Variants in MYO3A observed in about 807,000 individuals in gnomAD.
MYO3A encodes the protein myosin-IIIa.
Under a neutral mutation model 192.7 loss-of-function variants are expected in MYO3A, and 180 were observed. The ratio of observed to expected loss-of-function variants is 0.93; its 90% CI spans 0.83 to 1.06. MYO3A has a LOEUF of 1.06. Ranked by LOEUF, MYO3A falls within the 50% of genes least tolerant of loss-of-function variation. MYO3A has a pLI of 0.00. For synonymous variants in MYO3A, 628 were observed against 645.3 expected (o/e 0.97, Z 0.41); for missense variants, 1,896 against 1,905.0 (o/e 1.00, Z 0.09).
intron 4 of MYO3A, among the ~76,000 whole-genome samples, chr10:25,962,138 T>TCC (rs1837972928): frequency 6.6e-6 from 1 of 152,198 alleles, no homozygotes; most frequent in Admixed American, 6.5e-5. Flanking sequence ...AGAGTTGAAA[T>TCC]CCTAAGAATA....
Position 26,131,447 on chromosome 10 carries a change from C to A in MYO3A, c.2262+2909C>A, listed in dbSNP as rs868705274. ...GAATTGTTTCCACCTGTTTGCATTA[C>A]CTTTGAAACATTTTCCTAAATCCAG... On this transcript the variant is annotated intron_variant, in intron 20 of 34. Transcript: ENST00000642920. Among the ~76,000 whole-genome samples the A allele has an allele frequency of 4.6e-5, 7 of 152,252 alleles. No homozygotes were observed. The South Asian group carries it at 1.0e-3, about 23-fold the overall frequency.
intron 27 of MYO3A, among the ~76,000 whole-genome samples, chr10:26,166,705 A>C (rs1276534090): frequency 2.0e-5 from 3 of 152,260 alleles, no homozygotes; most frequent in Non-Finnish European, 4.4e-5. Flanking sequence ...AAAAAGCTGT[A>C]GAGAATCATA....
At chr10:26,169,528 T>C (rs1336142093) in intron 28 of MYO3A, among the ~76,000 whole-genome samples, 1 of 152,220 alleles carries the variant, frequency 6.6e-6, no homozygotes, top group East Asian at 1.9e-4. Context: ...CTGATCTTTT[T>C]AATTCTAGTC....
intron 14 of MYO3A, among the ~76,000 whole-genome samples, chr10:26,083,879 G>T (rs1189006964): frequency 1.3e-5 from 2 of 152,122 alleles, no homozygotes; most frequent in Admixed American, 6.5e-5. Flanking sequence ...GGTAGCTCCT[G>T]TATTCTTTGG....
chr10:26,177,684 T>C (rs1428581734), intron 31 of MYO3A, among the ~76,000 whole-genome samples: 1 of 152,312 alleles, frequency 6.6e-6, no homozygotes, highest in South Asian at 2.1e-4. Context: ...TGCATTTATT[T>C]TCCCTTGCTT....
rs372097677 is a variant in MYO3A at position 26,128,504 on chromosome 10, A to G, written c.2228A>G (p.Tyr743Cys). 3.7e-5 allele frequency: 60 copies of G among 1,612,442 alleles called. No individual in the cohort carries two copies. The highest frequency in any genetic ancestry group is 4.8e-5 in the Non-Finnish European group (57 of 1,179,086). ...AACATTGCAAATGAACAAATTCAGT[A>G]TTATTATAATCAACATGTGTTTGCA... is the stretch of plus-strand genomic sequence containing the variant. ...CINIANEQIQ[Y>C]YYNQHVFAWE... Residue 743 changes from tyrosine (Y) to cysteine (C), a missense_variant, in exon 20 of 35, where the codon TAT (tyrosine) becomes TGT (cysteine). By Grantham distance (194) the Tyr-to-Cys change is radical (BLOSUM62 -2). Transcript: ENST00000642920.
chr10:25,971,743 A>G (rs1179559911), intron 4 of MYO3A, among the ~76,000 whole-genome samples: 1 of 152,072 alleles, frequency 6.6e-6, no homozygotes, highest in East Asian at 1.9e-4. Context: ...GTGACAATTC[A>G]TTTTTCTTCT....
At chr10:26,194,863 A>G (rs945733627) in intron 32 of MYO3A, among the ~76,000 whole-genome samples, 7 of 152,218 alleles carry the variant, frequency 4.6e-5, no homozygotes, top group African/African-American at 1.7e-4. Flanking sequence ...CATATTCTAC[A>G]TAGATACACA....
chr10:26,195,861 C>T (rs1240692658), intron 32 of MYO3A, among the ~76,000 whole-genome samples: 1 of 152,226 alleles, frequency 6.6e-6, no homozygotes, highest in African/African-American at 2.4e-5. Context: ...GACACTTTAT[C>T]ATGCTAAAGA....
Position 26,068,842 on chromosome 10 carries a change from T to C in MYO3A, c.1128T>C (p.Ile376=). The stretch of plus-strand genomic sequence containing the variant: ...ACGTCTATGTGGGAGACATACTCAT[T>C]GCTCTTAACCCTTTTCAGAGTCTGG... ...QIYVYVGDIL[I]ALNPFQSLGL... Residue 376 remains isoleucine (I), a synonymous_variant, in exon 12 of 35, where the codon ATT becomes ATC. Coordinates refer to ENST00000642920, the MANE Select transcript of MYO3A (RefSeq NM_017433.5). The C allele has an allele frequency of 6.3e-7, 1 of 1,599,996 alleles. No individual in the cohort carries two copies.
In MYO3A at chr10:26,024,089, T is replaced by TG; in HGVS notation, c.797+3dup. On this transcript the variant is annotated splice_region_variant and intron_variant, in intron 9 of 34. Coordinates refer to ENST00000642920, the MANE Select transcript of MYO3A (RefSeq NM_017433.5). ...AGAATTCAATGACTTCATAAGCAAGTGAGTAAAAACAGTCTTTTAAAAAAC... is the reference window on the plus strand; with the variant it reads ...AGAATTCAATGACTTCATAAGCAAGTGGAGTAAAAACAGTCTTTTAAAAAAC... The TG allele has an allele frequency of 6.2e-7, 1 of 1,611,662 alleles. No individual in the cohort carries two copies. The highest frequency in any genetic ancestry group is 1.3e-5 in the African/African-American group (1 of 74,998).
intron 29 of MYO3A, among the ~76,000 whole-genome samples, chr10:26,172,230 C>T (rs1262811755): frequency 6.6e-6 from 1 of 152,254 alleles, no homozygotes; most frequent in African/African-American, 2.4e-5. Flanking sequence ...TTTCCCTCAG[C>T]TACCTGAAGC....
At chr10:25,995,926 T>A (rs1056632490) in intron 4 of MYO3A, among the ~76,000 whole-genome samples, 2 of 152,202 alleles carry the variant, frequency 1.3e-5, no homozygotes. Context: ...GGGGAGTGCC[T>A]CCCAGAAAGG....
At chr10:26,144,664 C>T (rs964524425) in intron 21 of MYO3A, among the ~76,000 whole-genome samples, 1 of 152,046 alleles carries the variant, frequency 6.6e-6, no homozygotes, top group Admixed American at 6.6e-5. Context: ...GCAAAAACGC[C>T]AGATTTTTAG....
In MYO3A at chr10:25,996,500, GA is replaced by G. The variant is rs777580042; in HGVS notation, c.315del (p.Gly106AspfsTer3). The G allele has an allele frequency of 4.3e-5, 70 of 1,613,520 alleles. No individual in the cohort carries two copies. The South Asian group carries it at 7.5e-4, about 17-fold the overall frequency. ...KLWLVLELCS[G>X]GSVTDLVKGF... The stretch of plus-strand genomic sequence containing the variant: ...AATATTCTTGTTTAGCTCTGCAGTG[GA>G]GGATCAGTGACTGACCTTGTGAAAG... On this transcript the variant is annotated frameshift_variant, in exon 5 of 35. Transcript: ENST00000642920. LOFTEE classifies it high-confidence loss of function.
intron 5 of MYO3A, 80 bp from the exon 6 acceptor site, chr10:25,997,078 AT>A (rs1840495147): frequency 9.4e-7 from 1 of 1,065,070 alleles, no homozygotes; most frequent in Non-Finnish European, 1.4e-6. Flanking sequence ...TTTCCTATTG[AT>A]TTTGTACAGG....
chr10:25,939,228 C>T (rs1000010578), intron 2 of MYO3A, among the ~76,000 whole-genome samples: 1 of 151,546 alleles, frequency 6.6e-6, no homozygotes, highest in African/African-American at 2.4e-5. Flanking sequence ...TAATGTTGCA[C>T]ATCTCTACCT....
At chr10:26,112,403 A>G (rs1445108614) in intron 17 of MYO3A, among the ~76,000 whole-genome samples, 3 of 152,158 alleles carry the variant, frequency 2.0e-5, no homozygotes, top group East Asian at 1.9e-4. Context: ...CTTCCTTTTT[A>G]TCCCCAATAT....
At chr10:26,016,762 T>C in intron 6 of MYO3A, 58 bp from the exon 7 acceptor site, 1 of 1,500,528 alleles carries the variant, frequency 6.7e-7, no homozygotes, top group Non-Finnish European at 9.3e-7. Flanking sequence ...TTATAGCAAT[T>C]GAAAGCTCTT....
Sources: gnomAD v4.1 joint callset for allele counts (sites outside exome capture counted in the v4.1 genomes callset) on GRCh38, gnomAD v4.1.1 for gene constraint, MANE v1.5 for transcripts, NCBI Gene and HGNC (gene_info 2026-07-23, HGNC 2026-07-21) for gene names.